PDE4D: variants seen among roughly 807,000 people sequenced by gnomAD.
PDE4D encodes the protein 3',5'-cyclic-AMP phosphodiesterase 4D.
In PDE4D, 24 loss-of-function variants were observed where a neutral mutation model predicts 87.4. That is an observed-to-expected ratio of 0.27 (90% confidence interval 0.20 to 0.39). PDE4D has a LOEUF of 0.39. Among genes scored for constraint, PDE4D ranks in the 10% least tolerant of loss-of-function variants. The pLI is 1.00. For synonymous variants in PDE4D, 384 were observed against 383.2 expected (o/e 1.00, Z -0.02); for missense variants, 714 against 1,041.0 (o/e 0.69, Z 4.32).
intron 1 of PDE4D, among the ~76,000 whole-genome samples, chr5:59,325,820 G>A (rs1490461208): frequency 6.6e-6 from 1 of 151,938 alleles, no homozygotes; most frequent in Non-Finnish European, 1.5e-5. Flanking sequence ...AACTATTGAT[G>A]CAATCTGTCA....
In PDE4D at chr5:60,350,575, C is replaced by T. The variant is rs1009290084; in HGVS notation, c.-90+137367G>A. On this transcript the variant is annotated intron_variant, in intron 1 of 16. Coordinates refer to the PDE4D transcript ENST00000502484. ...CAAACACAAGATATCAGAAATGCGT[C>T]GATGGTTGGGGGCCAGCAAATGCAG... 4.6e-5 allele frequency among the ~76,000 whole-genome samples: 7 copies of T among 152,216 alleles called. No individual in the cohort carries two copies. In the South Asian group the frequency reaches 1.5e-3, roughly 32 times the overall value.
intron 2 of PDE4D, among the ~76,000 whole-genome samples, chr5:59,205,653 AACACACACACACACACAC>A (rs35509503): frequency 1.0e-4 from 14 of 136,408 alleles, no homozygotes; most frequent in East Asian, 2.2e-4. Flanking sequence ...CCACTAGCTA[AACACACACACACACACAC>A]ACACACACAC....
At chr5:60,149,219 AAAG>A (rs1359104594) in intron 2 of PDE4D, among the ~76,000 whole-genome samples, 2 of 152,208 alleles carry the variant, frequency 1.3e-5, no homozygotes, top group African/African-American at 2.4e-5. Context: ...CTTACAAAGA[AAAG>A]AAGTTTATTT....
At chr5:60,486,008 T>G (rs1746895559) in intron 1 of PDE4D, among the ~76,000 whole-genome samples, 1 of 152,162 alleles carries the variant, frequency 6.6e-6, no homozygotes, top group African/African-American at 2.4e-5. Context: ...TTCATCTCAA[T>G]AAGAGCCCAA....
intron 1 of PDE4D, among the ~76,000 whole-genome samples, chr5:60,191,523 A>G (rs568414388): frequency 1.3e-5 from 2 of 152,196 alleles, no homozygotes; most frequent in African/African-American, 4.8e-5. Context: ...TTTCAACATG[A>G]TTGTAAGTTT....
chr5:59,614,833 A>G (rs1338216909), intron 1 of PDE4D, among the ~76,000 whole-genome samples: 1 of 139,946 alleles, frequency 7.1e-6, no homozygotes. Context: ...TGTGGCTTTC[A>G]TTTTTTTTTT....
intron 1 of PDE4D, among the ~76,000 whole-genome samples, chr5:60,479,108 A>G (rs1299171389): frequency 6.6e-6 from 1 of 152,166 alleles, no homozygotes; most frequent in African/African-American, 2.4e-5. Flanking sequence ...CCCAAGTTCA[A>G]GATCCTTTTC....
At chr5:60,324,152 C>T (rs1056880155) in intron 1 of PDE4D, among the ~76,000 whole-genome samples, 2 of 152,200 alleles carry the variant, frequency 1.3e-5, no homozygotes, top group Non-Finnish European at 1.5e-5. Context: ...ATATTGCAAA[C>T]ACTCAAAAGA....
chr5:59,474,069 A>C (rs1562250911), intron 1 of PDE4D, among the ~76,000 whole-genome samples: 1 of 152,152 alleles, frequency 6.6e-6, no homozygotes, highest in African/African-American at 2.4e-5. Flanking sequence ...TGAAACAGAA[A>C]GGGGCATGTT....
At chr5:59,374,940 T>TA (rs1784471537) in intron 1 of PDE4D, among the ~76,000 whole-genome samples, 1 of 152,124 alleles carries the variant, frequency 6.6e-6, no homozygotes, top group Non-Finnish European at 1.5e-5. Flanking sequence ...GCCTTTTGGG[T>TA]AAATAATGAA....
intron 1 of PDE4D, among the ~76,000 whole-genome samples, chr5:59,604,157 G>A (rs1244033046): frequency 6.6e-6 from 1 of 151,920 alleles, no homozygotes. Flanking sequence ...AAGGAGCACA[G>A]GCTTTTAGTA....
intron 1 of PDE4D, among the ~76,000 whole-genome samples, chr5:60,298,402 A>T (rs1204851483): frequency 6.6e-6 from 1 of 152,236 alleles, no homozygotes; most frequent in East Asian, 1.9e-4. Context: ...ATTTCAAATG[A>T]ATGTATTCCT....
chr5:59,714,160 C>G (rs547728784), intron 1 of PDE4D, among the ~76,000 whole-genome samples: 1 of 152,318 alleles, frequency 6.6e-6, no homozygotes, highest in East Asian at 1.9e-4. Context: ...CAACAAGTGA[C>G]CCACTCACAG....
chr5:59,210,261 A>G (rs1386811526), intron 2 of PDE4D, among the ~76,000 whole-genome samples: 1 of 152,232 alleles, frequency 6.6e-6, no homozygotes, highest in Non-Finnish European at 1.5e-5. Flanking sequence ...TTTTATTTAT[A>G]TTCTTCCTAG....
chr5:60,302,817 T>C (rs565418054), intron 1 of PDE4D, among the ~76,000 whole-genome samples: 9 of 150,800 alleles, frequency 6.0e-5, no homozygotes, highest in African/African-American at 2.2e-4. Flanking sequence ...CTATAAATTT[T>C]GGTTTTTTGT....
At chr5:59,877,947 T>C (rs1748860372) in intron 1 of PDE4D, among the ~76,000 whole-genome samples, 1 of 151,836 alleles carries the variant, frequency 6.6e-6, no homozygotes, top group Non-Finnish European at 1.5e-5. Context: ...CACACAAACA[T>C]CCACACATCA....
chr5:59,214,072 ACACAC>A (rs1387321575), intron 2 of PDE4D, among the ~76,000 whole-genome samples: 5 of 147,024 alleles, frequency 3.4e-5, no homozygotes, highest in Non-Finnish European at 4.5e-5. Flanking sequence ...ACACACACAC[ACACAC>A]AACCATTCTA....
chr5:59,653,207 A>ATTTT lies in PDE4D; in HGVS notation c.455+239960_455+239961insAAAA, dbSNP rs1561410700. On this transcript the variant is annotated intron_variant, in intron 1 of 14. Coordinates refer to ENST00000340635, the MANE Select transcript of PDE4D (RefSeq NM_001104631.2). ...TTCAAATAATGTTAGCAAAAAAAAA[A>ATTTT]ATTTTTTTTTTTTTTTTTAGACAGA... Among the ~76,000 whole-genome samples the ATTTT allele has an allele frequency of 4.2e-4, 27 of 64,398 alleles. No homozygotes were observed. In the South Asian group the frequency reaches 5.2e-3, roughly 13 times the overall value. 42.2% of individuals were successfully genotyped at this position (64,398 alleles called of 152,430 possible).
intron 3 of PDE4D, among the ~76,000 whole-genome samples, chr5:59,954,764 T>C (rs942351153): frequency 2.0e-5 from 3 of 152,186 alleles, no homozygotes; most frequent in Non-Finnish European, 4.4e-5. Context: ...TTTTTCTCCT[T>C]GGTTTCTACA....
Sources: gnomAD v4.1 joint callset for allele counts (sites outside exome capture counted in the v4.1 genomes callset) on GRCh38, gnomAD v4.1.1 for gene constraint, MANE v1.5 for transcripts, NCBI Gene and HGNC (gene_info 2026-07-23, HGNC 2026-07-21) for gene names.